Variants in NUDT3 observed in about 807,000 individuals in gnomAD.
NUDT3 encodes diphosphoinositol polyphosphate phosphohydrolase 1.
NUDT3 carries 9 observed loss-of-function variants against 23.6 expected under a neutral mutation model. That is an observed-to-expected ratio of 0.38 (90% CI 0.23 to 0.66). The LOEUF is 0.66. Among genes scored for constraint, NUDT3 ranks in the 30% least tolerant of loss-of-function variants. NUDT3 has a pLI of 0.52. For synonymous variants in NUDT3, 86 were observed against 82.6 expected (o/e 1.04, Z -0.22); for missense variants, 172 against 218.5 (o/e 0.79, Z 1.34).
chr6:34,381,148 C>T (rs1366406791), intron 1 of NUDT3, among the ~76,000 whole-genome samples: 1 of 152,116 alleles, frequency 6.6e-6, no homozygotes, highest in African/African-American at 2.4e-5. Flanking sequence ...TCCCAAGTAG[C>T]TAGGACCACA....
At chr6:34,294,920 C>A (rs550498326) in intron 3 of NUDT3, among the ~76,000 whole-genome samples, 2 of 152,232 alleles carry the variant, frequency 1.3e-5, no homozygotes, top group African/African-American at 4.8e-5. Flanking sequence ...AGCCACCACG[C>A]CCAGCATCTG....
At chr6:34,370,843 C>T (rs1048784577) in intron 1 of NUDT3, among the ~76,000 whole-genome samples, 4 of 152,196 alleles carry the variant, frequency 2.6e-5, no homozygotes, top group Non-Finnish European at 5.9e-5. Context: ...GTGGCTCACA[C>T]CTGTAATCCC....
Position 34,392,367 on chromosome 6 carries a change from C to T in NUDT3, c.-5G>A. 2.5e-6 allele frequency: 4 copies of T among 1,598,512 alleles called. No homozygotes were observed. The highest frequency in any genetic ancestry group is 3.4e-6 in the Non-Finnish European group (4 of 1,174,704). On this transcript the variant is annotated 5_prime_UTR_variant, in exon 1 of 5. Transcript: ENST00000607016. ...GTTCGACTTGAGCTTCATCATCCTC[C>T]GGGCCCGGGTGGGGGTGCGGTGCGG...
intron 2 of NUDT3, among the ~76,000 whole-genome samples, chr6:34,332,972 A>G (rs781038679): frequency 2.0e-5 from 3 of 152,218 alleles, no homozygotes; most frequent in Non-Finnish European, 4.4e-5. Flanking sequence ...GCAAGAAAGA[A>G]TAGCTCTGAG....
At chr6:34,338,078 A>G (rs1266433934) in intron 2 of NUDT3, among the ~76,000 whole-genome samples, 1 of 152,244 alleles carries the variant, frequency 6.6e-6, no homozygotes, top group African/African-American at 2.4e-5. Context: ...CCTCAGGCCT[A>G]GGGATGCAAA....
intron 4 of NUDT3, among the ~76,000 whole-genome samples, chr6:34,290,790 T>G (rs1466242853): frequency 6.7e-6 from 1 of 148,798 alleles, no homozygotes; most frequent in Non-Finnish European, 1.5e-5. Context: ...CAATTGTCTG[T>G]GATTATTATT....
In NUDT3 at chr6:34,353,089, T is replaced by C. The variant is rs368267396; in HGVS notation, c.100-11117A>G. On this transcript the variant is annotated intron_variant, in intron 1 of 4. Transcript: ENST00000607016. Reference sequence around the variant, plus strand: ...TCTTAACTCTGTCCCAAGAGGCACTTCTTGTGAAGACTTCTAGAGATATTC... The same window carrying C: ...TCTTAACTCTGTCCCAAGAGGCACTCCTTGTGAAGACTTCTAGAGATATTC... 2.6e-5 allele frequency among the ~76,000 whole-genome samples: 4 copies of C among 152,308 alleles called. No homozygotes were observed. The East Asian group carries it at 5.8e-4, about 22-fold the overall frequency.
chr6:34,355,475 G>A (rs1764547471), intron 1 of NUDT3, among the ~76,000 whole-genome samples: 1 of 152,092 alleles, frequency 6.6e-6, no homozygotes, highest in Non-Finnish European at 1.5e-5. Context: ...AGGATACAGT[G>A]TCTGATGTTC....
In NUDT3 at chr6:34,280,835, T is replaced by C. The variant is rs548419309; in HGVS notation, c.*7918A>G. Reference sequence around the variant, plus strand: ...CCCAGGGGACTGGTCCCTGGGTACATGGGTCCCTGGCTCTCTGTCTCAGTT... The same window carrying C: ...CCCAGGGGACTGGTCCCTGGGTACACGGGTCCCTGGCTCTCTGTCTCAGTT... On this transcript the variant is annotated 3_prime_UTR_variant, in exon 5 of 5. Coordinates refer to ENST00000607016, the MANE Select transcript of NUDT3 (RefSeq NM_006703.4). 6.6e-6 allele frequency: 1 copy of C among 152,286 alleles called. No homozygotes were observed. The highest frequency in any genetic ancestry group is 6.5e-5 in the Admixed American group (1 of 15,302). The allele number at this position is 152,286 out of a possible 1,614,324, so 9.4% of individuals were successfully genotyped here.
At chr6:34,328,275 TCTAA>T (rs1416142683) in intron 2 of NUDT3, among the ~76,000 whole-genome samples, 5 of 152,126 alleles carry the variant, frequency 3.3e-5, no homozygotes, top group African/African-American at 4.8e-5. Context: ...TTTATTTAGG[TCTAA>T]CTGACAAATA....
chr6:34,291,211 G>A (rs112622759), intron 4 of NUDT3, among the ~76,000 whole-genome samples: 4,452 of 151,712 alleles, frequency 0.029, 198 homozygotes, highest in African/African-American at 0.098. Context: ...CACCCGCCTT[G>A]GCCTCCCAAA....
chr6:34,387,208 CT>C (rs1460579079), intron 1 of NUDT3, among the ~76,000 whole-genome samples: 1 of 145,084 alleles, frequency 6.9e-6, no homozygotes, highest in East Asian at 2.0e-4. Context: ...CTATACTGTA[CT>C]TTTTATTGTT....
intron 2 of NUDT3, among the ~76,000 whole-genome samples, chr6:34,309,312 G>A (rs947097797): frequency 6.6e-6 from 1 of 151,964 alleles, no homozygotes. Flanking sequence ...AATAACATAT[G>A]AATTAAAGCA....
At chr6:34,365,438 A>T (rs564333315) in intron 1 of NUDT3, among the ~76,000 whole-genome samples, 13 of 152,224 alleles carry the variant, frequency 8.5e-5, no homozygotes, top group Admixed American at 2.6e-4. Flanking sequence ...AAAAATAAAT[A>T]AAATAAATAA....
chr6:34,336,627 T>C (rs771390865), intron 2 of NUDT3, among the ~76,000 whole-genome samples: 1 of 152,138 alleles, frequency 6.6e-6, no homozygotes, highest in African/African-American at 2.4e-5. Flanking sequence ...GTCTTACCTA[T>C]AAAATCTTTG....
chr6:34,371,476 G>GA (rs1561921754), intron 1 of NUDT3, among the ~76,000 whole-genome samples: 1 of 151,504 alleles, frequency 6.6e-6, no homozygotes, highest in Non-Finnish European at 1.5e-5. Flanking sequence ...AAAAAAAAAA[G>GA]AAAAAATGCT....
rs564316440 is a variant in NUDT3 at position 34,332,880 on chromosome 6, C to T, written c.210+8982G>A. On this transcript the variant is annotated intron_variant, in intron 2 of 4. Transcript: ENST00000607016. Reference sequence around the variant, plus strand: ...AGGTAAAGGAAATGGGAATGTAAGACGAAGAGAAGACAGAACGGTTTCAGA... The same window carrying T: ...AGGTAAAGGAAATGGGAATGTAAGATGAAGAGAAGACAGAACGGTTTCAGA... Among the ~76,000 whole-genome samples the T allele has an allele frequency of 4.0e-4, 61 of 152,238 alleles. 1 individual carries two copies. Among genetic ancestry groups the T allele is most frequent in the Admixed American group, 3.3e-3 (51 of 15,296 alleles).
intron 1 of NUDT3, among the ~76,000 whole-genome samples, chr6:34,370,504 G>A (rs1764809729): frequency 6.6e-6 from 1 of 152,204 alleles, no homozygotes; most frequent in Non-Finnish European, 1.5e-5. Flanking sequence ...TAATTGCACA[G>A]AAAACTGGGA....
chr6:34,384,692 C>T (rs1405294254), intron 1 of NUDT3, among the ~76,000 whole-genome samples: 1 of 152,154 alleles, frequency 6.6e-6, no homozygotes, highest in Non-Finnish European at 1.5e-5. Flanking sequence ...CAGTCTTCCA[C>T]ACAGTGTATG....
Sources: allele counts gnomAD v4.1 joint callset (sites outside exome capture counted in the v4.1 genomes callset), GRCh38; gene constraint gnomAD v4.1.1; transcripts MANE v1.5; gene names NCBI Gene and HGNC (gene_info 2026-07-23, HGNC 2026-07-21).